The following NUFIP1 variants were observed in gnomAD, a reference collection of about 807,000 sequenced individuals.
The protein encoded by NUFIP1 is nuclear FMR1 interacting protein 1.
A neutral mutation model predicts 56.2 loss-of-function variants in NUFIP1; 38 were observed. The observed-to-expected ratio is 0.68, with a 90% CI of 0.52 to 0.89. The LOEUF is 0.89. Ranked by LOEUF, NUFIP1 falls within the 40% of genes least tolerant of loss-of-function variation. NUFIP1 has a pLI of 0.00. For missense variants in NUFIP1, 567 were observed against 605.8 expected (o/e 0.94, Z 0.67); for synonymous variants, 215 against 212.4 (o/e 1.01, Z -0.10).
In NUFIP1 at chr13:44,979,970, A is replaced by G. The variant is rs1326573473; in HGVS notation, c.595-18T>C. The G allele has an allele frequency of 1.3e-6, 2 of 1,489,938 alleles. No homozygotes were observed. The highest frequency in any genetic ancestry group is 2.5e-5 in the South Asian group (2 of 79,862). The allele number at this position is 1,489,938 out of a possible 1,614,324, so 92.3% of individuals were successfully genotyped here. A position where few individuals can be genotyped will look rare whatever the true frequency, so the allele number is the denominator to read the frequency against. On this transcript the variant is annotated intron_variant, in intron 3 of 9. Transcript: ENST00000379161. Reference sequence around the variant, plus strand: ...TCAGGGCACTATGAGTTTTTAAAAGAAAAAAAAAACTATTTAACAAATGTT... The same window carrying G: ...TCAGGGCACTATGAGTTTTTAAAAGGAAAAAAAAACTATTTAACAAATGTT...
chr13:44,968,197 GA>G (rs1469443045), intron 5 of NUFIP1, among the ~76,000 whole-genome samples: 1 of 151,934 alleles, frequency 6.6e-6, no homozygotes, highest in Non-Finnish European at 1.5e-5. Flanking sequence ...AACATAAAAG[GA>G]AAAGATCAAG....
intron 5 of NUFIP1, among the ~76,000 whole-genome samples, chr13:44,968,249 T>A (rs1871679100): frequency 6.6e-6 from 1 of 152,098 alleles, no homozygotes. Context: ...AATACATGAC[T>A]ACATTTTTCG....
chr13:44,960,207 G>A (rs2483418), intron 6 of NUFIP1, among the ~76,000 whole-genome samples: 12,097 of 151,346 alleles, frequency 0.08, 1,132 homozygotes, highest in African/African-American at 0.23. Context: ...TGGGGTTACA[G>A]GTGTGAGCCA....
intron 4 of NUFIP1, among the ~76,000 whole-genome samples, chr13:44,979,511 A>G (rs538699931): frequency 1.1e-4 from 17 of 152,344 alleles, no homozygotes; most frequent in African/African-American, 3.4e-4. Flanking sequence ...TATGCCACCC[A>G]TTCTCTCAAA....
At chr13:44,987,056 G>C (rs1324903573) in intron 1 of NUFIP1, among the ~76,000 whole-genome samples, 1 of 152,092 alleles carries the variant, frequency 6.6e-6, no homozygotes, top group East Asian at 1.9e-4. Context: ...CTGGGCTCAA[G>C]CAATCCTCTT....
intron 9 of NUFIP1, among the ~76,000 whole-genome samples, chr13:44,941,537 G>A (rs112073327): frequency 9.9e-5 from 15 of 152,116 alleles, no homozygotes; most frequent in Non-Finnish European, 1.5e-4. Flanking sequence ...ATTTTGAGAC[G>A]GAGTCTCGCT....
chr13:44,977,675 T>C (rs1484651797), intron 5 of NUFIP1, among the ~76,000 whole-genome samples: 1 of 152,220 alleles, frequency 6.6e-6, no homozygotes, highest in Non-Finnish European at 1.5e-5. Context: ...ATTCCTTCAT[T>C]TGCTAGCCAC....
intron 7 of NUFIP1, among the ~76,000 whole-genome samples, chr13:44,951,698 G>A (rs1871088644): frequency 6.6e-6 from 1 of 152,098 alleles, no homozygotes; most frequent in South Asian, 2.1e-4. Context: ...AAGTGAATAT[G>A]GCAATAAAGT....
rs1870695949 is a variant in NUFIP1, at chr13:44,940,478, A to G, written c.*728T>C. 1 of 152,268 alleles carries G rather than the reference A, an allele frequency of 6.6e-6. No individual in the cohort carries two copies. The highest frequency in any genetic ancestry group is 2.4e-5 in the African/African-American group (1 of 41,480). The allele number at this position is 152,268 out of a possible 1,614,324, so 9.4% of individuals were successfully genotyped here. On this transcript the variant is annotated 3_prime_UTR_variant, in exon 10 of 10. Transcript: ENST00000379161. ...CTGTATGTCAAAAGGACAGACCAAT[A>G]GCTACAGCTAGTACAATGACTAGAA...
chr13:44,950,055 G>C (rs558369971), intron 7 of NUFIP1, among the ~76,000 whole-genome samples: 2 of 152,274 alleles, frequency 1.3e-5, no homozygotes, highest in East Asian at 3.9e-4. Context: ...TGAGGGAAAA[G>C]GAAGCTATAT....
chr13:44,983,192 G>A (rs1337056807), intron 1 of NUFIP1, among the ~76,000 whole-genome samples: 5 of 151,772 alleles, frequency 3.3e-5, no homozygotes, highest in Non-Finnish European at 7.4e-5. Context: ...TTTTGGCGGG[G>A]GAGATGCAGT....
intron 3 of NUFIP1, 99 bp from the exon 4 acceptor site, chr13:44,980,051 A>G (rs535234082): frequency 1.2e-6 from 1 of 827,752 alleles, no homozygotes; most frequent in Non-Finnish European, 1.9e-6. Flanking sequence ...GCTGTATTAC[A>G]TAGTTATCCC....
At chr13:44,956,807 G>A (rs1159611954) in intron 7 of NUFIP1, among the ~76,000 whole-genome samples, 1 of 151,812 alleles carries the variant, frequency 6.6e-6, no homozygotes, top group Non-Finnish European at 1.5e-5. Flanking sequence ...CCCCATCCCC[G>A]CTCCCCCCTG....
In NUFIP1 at chr13:44,941,016, TA is replaced by T. The variant is rs566767603; in HGVS notation, c.*189del. ...AATCCCAACAATACAGACACAGTCT[TA>T]AAAAATCAGTTATTTTTTTATTTGC... is the stretch of plus-strand genomic sequence containing the variant. On this transcript the variant is annotated 3_prime_UTR_variant, in exon 10 of 10. Transcript: ENST00000379161. 230 of 463,910 alleles carry T rather than the reference TA, an allele frequency of 5.0e-4. 1 individual carries two copies. The highest frequency in any genetic ancestry group is 2.1e-3 in the Admixed American group (55 of 25,832). The allele number at this position is 463,910 out of a possible 1,614,324, so 28.7% of individuals were successfully genotyped here. A position where few individuals can be genotyped will look rare whatever the true frequency, so the allele number is the denominator to read the frequency against.
chr13:44,972,585 T>G (rs1358348301), intron 5 of NUFIP1, among the ~76,000 whole-genome samples: 2 of 152,210 alleles, frequency 1.3e-5, no homozygotes, highest in East Asian at 3.8e-4. Context: ...TATATGACAG[T>G]ATATATTTGT....
At chr13:44,980,683 A>G in intron 3 of NUFIP1, 39 bp downstream of exon 3, 2 of 1,290,448 alleles carry the variant, frequency 1.5e-6, no homozygotes, top group Non-Finnish European at 2.2e-6. Context: ...GAAGAAGCAC[A>G]ATTGCTACAT....
intron 7 of NUFIP1, among the ~76,000 whole-genome samples, chr13:44,955,737 G>T (rs931074443): frequency 6.6e-6 from 1 of 152,128 alleles, no homozygotes; most frequent in Non-Finnish European, 1.5e-5. Context: ...TACGGCAGGG[G>T]TGTCCAATCT....
At chr13:44,972,472 A>C (rs2137915957) in intron 5 of NUFIP1, among the ~76,000 whole-genome samples, 1 of 152,322 alleles carries the variant, frequency 6.6e-6, no homozygotes, top group East Asian at 1.9e-4. Flanking sequence ...AACAAAAAAT[A>C]AATCAGTGGT....
rs2137935368 is a variant in NUFIP1, at chr13:44,989,440, A to G, written c.-4T>C. 6.2e-7 allele frequency: 1 copy of G among 1,612,372 alleles called. No individual in the cohort carries two copies. Among genetic ancestry groups the G allele is most frequent in the Non-Finnish European group, 8.5e-7 (1 of 1,179,244 alleles). ...AATCACTAGTCGGCTCAGCCATACCACTGGCGGGTCCGGAGTCTAGCACGC... is the reference window on the plus strand; with the variant it reads ...AATCACTAGTCGGCTCAGCCATACCGCTGGCGGGTCCGGAGTCTAGCACGC... On this transcript the variant is annotated 5_prime_UTR_variant, in exon 1 of 10. Transcript: ENST00000379161.
Sources: allele counts gnomAD v4.1 joint callset (sites outside exome capture counted in the v4.1 genomes callset), GRCh38; gene constraint gnomAD v4.1.1; transcripts MANE v1.5; gene names NCBI Gene and HGNC (gene_info 2026-07-23, HGNC 2026-07-21).